Variants in GARS1 observed in about 807,000 individuals in gnomAD.
GARS1 encodes the protein glycyl-tRNA synthetase 1, also known as glycine--tRNA ligase.
In GARS1, 46 loss-of-function variants were observed where a neutral mutation model predicts 86.4. The ratio of observed to expected loss-of-function variants is 0.53; its 90% CI spans 0.42 to 0.68. The LOEUF is 0.68. Among genes scored for constraint, GARS1 ranks in the 30% least tolerant of loss-of-function variants. The probability of loss-of-function intolerance (pLI) is 0.00; values close to 1 mark genes in which losing one functional copy is unlikely to be tolerated. For synonymous variants in GARS1, 342 were observed against 329.8 expected, an observed-to-expected ratio of 1.04 and a Z score of -0.40; for missense variants, 797 against 915.6, an observed-to-expected ratio of 0.87 and a Z score of 1.67.
At chr7:30,599,876 A>C (rs1454532222) in intron 2 of GARS1, 71 bp from the exon 3 acceptor site, 2 of 977,536 alleles carry the variant, frequency 2.0e-6, no homozygotes, top group African/African-American at 3.3e-5. Context: ...GGAATAAACT[A>C]AATTCAGATA....
chr7:30,615,725 A>C (rs923065765), intron 8 of GARS1, among the ~76,000 whole-genome samples, 171 bp from the exon 9 acceptor site: 2 of 152,326 alleles, frequency 1.3e-5, no homozygotes, highest in East Asian at 1.9e-4. Context: ...ATTTAATTCA[A>C]AATTTTTTTG....
intron 6 of GARS1, among the ~76,000 whole-genome samples, chr7:30,604,437 T>C (rs1416145504): frequency 6.6e-6 from 1 of 152,188 alleles, no homozygotes; most frequent in Non-Finnish European, 1.5e-5. Context: ...CCGATCTCTC[T>C]CTCTCTCTCT....
chr7:30,618,168 T>C (rs1469936169), intron 10 of GARS1, among the ~76,000 whole-genome samples: 1 of 152,216 alleles, frequency 6.6e-6, no homozygotes, highest in African/African-American at 2.4e-5. Context: ...AAGACTATTA[T>C]GTAGAAAATT....
chr7:30,616,157 G>A (rs1325530810), intron 9 of GARS1, 99 bp downstream of exon 9: 1 of 1,372,760 alleles, frequency 7.3e-7, no homozygotes, highest in Non-Finnish European at 1.0e-6. Context: ...ATTTTATTTT[G>A]GCAGTCATTT....
Position 30,633,758 on chromosome 7 carries a change from C to T in GARS1, c.2118C>T (p.Val706=), listed in dbSNP as rs561740764. 12 of 1,614,074 alleles carry T rather than the reference C, an allele frequency of 7.4e-6. No homozygotes were observed. The highest frequency in any genetic ancestry group is 8.5e-7 in the Non-Finnish European group (1 of 1,179,988). ...AGATCTCTGAGCTGCCCAGCATAGT[C>T]CAAGACCTAGCCAATGGCAACATCA... ...RAEISELPSI[V]QDLANGNITW... The change falls in exon 17 of 17, where the codon GTC becomes GTT. Residue 706 remains valine (V), a synonymous_variant. Transcript: ENST00000389266.
chr7:30,611,554 G>A (rs555179966), intron 7 of GARS1, among the ~76,000 whole-genome samples: 4 of 152,204 alleles, frequency 2.6e-5, no homozygotes, highest in South Asian at 4.2e-4. Context: ...GCGTGATCTC[G>A]GCTCACTGCA....
chr7:30,602,144 A>G (rs1791392502), intron 4 of GARS1, among the ~76,000 whole-genome samples: 1 of 151,384 alleles, frequency 6.6e-6, no homozygotes. Flanking sequence ...GCTGGAGTGC[A>G]GTGGGGCGAT....
At chr7:30,609,793 A>G in intron 7 of GARS1, 63 bp downstream of exon 7, 3 of 1,526,562 alleles carry the variant, frequency 2.0e-6, no homozygotes, top group Non-Finnish European at 1.8e-6. Context: ...TTATATTAAA[A>G]GGTAAATATC....
chr7:30,598,288 C>G (rs913748666), intron 1 of GARS1, among the ~76,000 whole-genome samples: 12 of 151,372 alleles, frequency 7.9e-5, no homozygotes, highest in African/African-American at 2.7e-4. Context: ...TTAACTTGCC[C>G]GTGTGTTCTT....
In GARS1 at chr7:30,632,272, A is replaced by G. The variant is rs376451704; in HGVS notation, c.1929A>G (p.Val643=). The change falls in exon 16 of 17, where the codon GTA becomes GTG. Residue 643 remains valine, a synonymous_variant. Transcript: ENST00000389266. This position sits in a 1 kb window ranked among gnomAD's most constrained non-coding sequence, Gnocchi z 4.1. Reference sequence around the variant, plus strand: ...CGGAAGCCCTGACCAGGCATGGAGTATCTCACAAAGTAGACGATTCCTCTG... The same window carrying G: ...CGGAAGCCCTGACCAGGCATGGAGTGTCTCACAAAGTAGACGATTCCTCTG... The part of the protein sequence containing the change: ...ELSEALTRHG[V]SHKVDDSSGS... 8.7e-6 allele frequency: 14 copies of G among 1,614,060 alleles called. No individual in the cohort carries two copies. Among genetic ancestry groups the G allele is most frequent in the African/African-American group, 1.3e-5 (1 of 74,928 alleles).
intron 7 of GARS1, among the ~76,000 whole-genome samples, chr7:30,610,842 T>C (rs1791585112): frequency 6.6e-6 from 1 of 152,204 alleles, no homozygotes; most frequent in Non-Finnish European, 1.5e-5. Context: ...CACTATTAAA[T>C]GTGAGAAATT....
In GARS1 at chr7:30,612,224, G is replaced by T; in HGVS notation, c.1010G>T (p.Arg337Leu). 1 of 1,614,096 alleles carries T rather than the reference G, an allele frequency of 6.2e-7. No homozygotes were observed. The highest frequency in any genetic ancestry group is 8.5e-7 in the Non-Finnish European group (1 of 1,180,000). Reference sequence around the variant, plus strand: ...TCTTTTAGAAATGAGATCTCCCCTCGATCTGGACTGATCAGAGTCAGGTAC... The same window carrying T: ...TCTTTTAGAAATGAGATCTCCCCTCTATCTGGACTGATCAGAGTCAGGTAC... ...GNSFRNEISP[R>L]SGLIRVREFT... is the part of the protein sequence containing the mutation. The change falls in exon 8 of 17, where the codon CGA (arginine) becomes CTA (leucine). Residue 337 changes from arginine to leucine, a missense_variant. Around this residue, in one of 2 missense-constraint regions of GARS1, gnomAD observed 598 missense variants for 738.7 expected, o/e 0.81. Coordinates refer to ENST00000389266, the MANE Select transcript of GARS1 (RefSeq NM_002047.4).
rs201132307 is a variant in GARS1, at chr7:30,594,940, G to T, written c.19G>T (p.Val7Leu). The stretch of plus-strand genomic sequence containing the variant: ...CAGGCTCATGCCCTCTCCGCGTCCA[G>T]TGCTGCTTAGAGGTGCTCGCGCCGC... Reference protein sequence around the residue: MPSPRPVLLRGARAALL... With the variant: MPSPRPLLLRGARAALL... Residue 7 changes from valine to leucine, a missense_variant, in exon 1 of 17, where the codon GTG becomes TTG. Val to Leu is a conservative substitution (Grantham distance 32). Coordinates refer to ENST00000389266, the MANE Select transcript of GARS1 (RefSeq NM_002047.4). The T allele has an allele frequency of 8.8e-5, 140 of 1,594,724 alleles. No individual in the cohort carries two copies. The highest frequency in any genetic ancestry group is 1.1e-4 in the Non-Finnish European group (131 of 1,177,710).
At chr7:30,603,667 T>C in intron 6 of GARS1, 95 bp downstream of exon 6, 1 of 878,526 alleles carries the variant, frequency 1.1e-6, no homozygotes, top group South Asian at 1.3e-5. Flanking sequence ...ATGCTGACCC[T>C]GGCCACATTG....
intron 15 of GARS1, chr7:30,631,937 G>T: frequency 2.4e-6 from 1 of 411,670 alleles, no homozygotes; most frequent in Non-Finnish European, 4.5e-6. Flanking sequence ...GGGAAATGGG[G>T]AGAGTCCATT....
chr7:30,603,556 A>T lies in GARS1; in HGVS notation c.719A>T (p.Glu240Val), dbSNP rs1791423440. 1 of 1,613,766 alleles carries T rather than the reference A, an allele frequency of 6.2e-7. No individual in the cohort carries two copies. Among genetic ancestry groups the T allele is most frequent in the Non-Finnish European group, 8.5e-7 (1 of 1,179,830 alleles). Residue 240 changes from glutamate (E) to valine (V), a missense_variant, in exon 6 of 17, where the codon GAA becomes GTA. By Grantham distance (121) the Glu-to-Val change is moderately radical. This residue lies in a region of GARS1 where 598 missense variants were observed against 738.7 expected (regional missense o/e 0.81). Transcript: ENST00000389266. ...TCTGTCGAAAAGAAATCAGAAATGG[A>T]AAGTGTTTTGGCCCAGGTGAGTACT... Reference protein sequence around the residue: ...KCSVEKKSEMESVLAQLDNYG... With the variant: ...KCSVEKKSEMVSVLAQLDNYG...
chr7:30,629,383 C>A (rs2128135954), intron 14 of GARS1, among the ~76,000 whole-genome samples: 1 of 152,294 alleles, frequency 6.6e-6, no homozygotes, highest in South Asian at 2.1e-4. Flanking sequence ...TCCTTGCCTT[C>A]TTCCTCTTTA....
At position 30,633,762 on chromosome 7, in the gene GARS1, G is replaced by A; in HGVS notation, c.2122G>A (p.Asp708Asn). The A allele has an allele frequency of 1.9e-6, 3 of 1,614,078 alleles. No homozygotes were observed. Among genetic ancestry groups the A allele is most frequent in the Non-Finnish European group, 2.5e-6 (3 of 1,180,002 alleles). Residue 708 changes from aspartate (D) to asparagine (N), a missense_variant, in exon 17 of 17, where the codon GAC (aspartate) becomes AAC (asparagine). Transcript: ENST00000389266. ...CTCTGAGCTGCCCAGCATAGTCCAA[G>A]ACCTAGCCAATGGCAACATCACATG... ...EISELPSIVQDLANGNITWAD... is the reference protein window; with the variant it reads ...EISELPSIVQNLANGNITWAD...
At chr7:30,620,144 A>G (rs1003592411) in intron 10 of GARS1, among the ~76,000 whole-genome samples, 1 of 151,730 alleles carries the variant, frequency 6.6e-6, no homozygotes, top group African/African-American at 2.4e-5. Flanking sequence ...AAAAAAATGA[A>G]TCTTCTTGAG....
Sources: allele counts gnomAD v4.1 joint callset (sites outside exome capture counted in the v4.1 genomes callset), GRCh38; gene constraint gnomAD v4.1.1; regional missense constraint gnomAD v4.1.1; non-coding constraint Gnocchi (gnomAD v3.1); transcripts MANE v1.5; gene names NCBI Gene and HGNC (gene_info 2026-07-23, HGNC 2026-07-21).